TTBK2: variants seen among roughly 807,000 people sequenced by gnomAD.
TTBK2 encodes tau-tubulin kinase 2.
In TTBK2, 28 loss-of-function variants were observed where a neutral mutation model predicts 110.8. The ratio of observed to expected loss-of-function variants is 0.25; its 90% CI spans 0.19 to 0.35. The LOEUF (loss-of-function observed/expected upper bound fraction) is 0.35, where lower values mean the gene tolerates loss of function less well. Ranked by LOEUF, TTBK2 falls within the 10% of genes least tolerant of loss-of-function variation. TTBK2 has a pLI of 1.00. For missense variants in TTBK2, 1,369 were observed against 1,500.3 expected, an observed-to-expected ratio of 0.91 and a Z score of 1.45; for synonymous variants, 532 against 527.3, an observed-to-expected ratio of 1.01 and a Z score of -0.12.
At chr15:42,860,703 G>C (rs1471669700) in intron 3 of TTBK2, among the ~76,000 whole-genome samples, 2 of 118,846 alleles carry the variant, frequency 1.7e-5, no homozygotes, top group Non-Finnish European at 3.2e-5. Flanking sequence ...TTACACTCCT[G>C]TTGCCCAGGC....
intron 13 of TTBK2, among the ~76,000 whole-genome samples, chr15:42,773,485 A>G (rs1024127343): frequency 6.6e-6 from 1 of 152,150 alleles, no homozygotes. Context: ...ATTCAAAGAT[A>G]TCTAAAAATA....
chr15:42,811,326 T>C (rs1891713027), intron 8 of TTBK2, among the ~76,000 whole-genome samples: 1 of 152,210 alleles, frequency 6.6e-6, no homozygotes, highest in Admixed American at 6.5e-5. Context: ...GATCTACTTT[T>C]CTTTATCAAC....
At chr15:42,771,248 C>T (rs1889659727) in intron 13 of TTBK2, among the ~76,000 whole-genome samples, 1 of 152,074 alleles carries the variant, frequency 6.6e-6, no homozygotes, top group Non-Finnish European at 1.5e-5. Context: ...GCTGGGATTA[C>T]AGGCGTGAGC....
chr15:42,887,907 C>T (rs1008822120), intron 1 of TTBK2, among the ~76,000 whole-genome samples: 13 of 149,420 alleles, frequency 8.7e-5, no homozygotes, highest in African/African-American at 2.5e-4. Flanking sequence ...TTACCTACCT[C>T]GGCATAATTC....
intron 14 of TTBK2, among the ~76,000 whole-genome samples, chr15:42,751,558 G>A (rs542918438): frequency 2.2e-4 from 33 of 152,226 alleles, no homozygotes; most frequent in Admixed American, 1.4e-3. Context: ...CCAACATAGC[G>A]AAACCCTGTC....
At chr15:42,854,338 T>C (rs1346173159) in intron 3 of TTBK2, among the ~76,000 whole-genome samples, 3 of 152,216 alleles carry the variant, frequency 2.0e-5, no homozygotes, top group Non-Finnish European at 4.4e-5. Flanking sequence ...TTAAAGATCC[T>C]AAGAAGATTT....
At chr15:42,856,008 T>C (rs574233131) in intron 3 of TTBK2, among the ~76,000 whole-genome samples, 5 of 152,244 alleles carry the variant, frequency 3.3e-5, no homozygotes, top group South Asian at 2.1e-4. Context: ...ATTCTGAAAA[T>C]TGATAAACAA....
chr15:42,831,569 C>A (rs1892761483), intron 4 of TTBK2, among the ~76,000 whole-genome samples: 1 of 152,192 alleles, frequency 6.6e-6, no homozygotes, highest in African/African-American at 2.4e-5. Context: ...GTCTGTTTTA[C>A]AGATAAGGAA....
chr15:42,878,437 T>A (rs754440832), intron 2 of TTBK2, 112 bp downstream of exon 2: 1 of 1,554,302 alleles, frequency 6.4e-7, no homozygotes, highest in Non-Finnish European at 8.7e-7. Context: ...TATGTAATAT[T>A]TCCTAATGAA....
chr15:42,871,218 G>A (rs1894602662), intron 3 of TTBK2, among the ~76,000 whole-genome samples: 1 of 152,148 alleles, frequency 6.6e-6, no homozygotes, highest in African/African-American at 2.4e-5. Context: ...GGGTTCTTAA[G>A]AATGGGATGT....
At chr15:42,790,288 A>G (rs1293489378) in intron 10 of TTBK2, among the ~76,000 whole-genome samples, 2 of 144,438 alleles carry the variant, frequency 1.4e-5, no homozygotes, top group Admixed American at 1.4e-4. Flanking sequence ...TTCTTTGTCT[A>G]TTTTTTTTTT....
Position 42,816,946 on chromosome 15 carries a change from A to G in TTBK2, c.603+86T>C. On this transcript the variant is annotated intron_variant, in intron 7 of 14. Coordinates refer to ENST00000267890, the MANE Select transcript of TTBK2 (RefSeq NM_173500.4). ...CAAATATACATATATATATATATAT[A>G]AAATAATAATAAAATAAAAAAGAAG... 3.0e-6 allele frequency: 2 copies of G among 664,998 alleles called. 1 individual carries two copies. The highest frequency in any genetic ancestry group is 4.0e-6 in the Non-Finnish European group (2 of 498,690). The allele number at this position is 664,998 out of a possible 1,614,324, so 41.2% of individuals were successfully genotyped here.
chr15:42,818,290 T>C (rs1479620664), intron 6 of TTBK2, among the ~76,000 whole-genome samples: 1 of 152,212 alleles, frequency 6.6e-6, no homozygotes, highest in Non-Finnish European at 1.5e-5. Flanking sequence ...CTATAGAATA[T>C]AAACTCTGTG....
chr15:42,915,183 A>G (rs1019943756), intron 1 of TTBK2, among the ~76,000 whole-genome samples: 51 of 152,220 alleles, frequency 3.4e-4, no homozygotes, highest in African/African-American at 1.2e-3. Context: ...TACGTTTTAA[A>G]TTGTATATTG....
intron 4 of TTBK2, among the ~76,000 whole-genome samples, chr15:42,830,528 A>G (rs867917476): frequency 3.3e-5 from 5 of 152,118 alleles, no homozygotes; most frequent in Admixed American, 2.0e-4. Context: ...CTCTCACTCA[A>G]CAGATCTCTT....
At chr15:42,841,073 C>T (rs769057107) in intron 3 of TTBK2, among the ~76,000 whole-genome samples, 12 of 152,112 alleles carry the variant, frequency 7.9e-5, no homozygotes, top group Non-Finnish European at 1.5e-4. Context: ...GAAAACCAGC[C>T]GGAAAACTTT....
In TTBK2 at chr15:42,827,596, G is replaced by A. The variant is rs555681829; in HGVS notation, c.537+332C>T. Among the ~76,000 whole-genome samples the A allele has an allele frequency of 3.0e-3, 451 of 152,278 alleles. 1 individual carries two copies. The highest frequency in any genetic ancestry group is 4.1e-3 in the South Asian group (20 of 4,822). Reference sequence around the variant, plus strand: ...CCAAATAGAGAATATCAGTGAAGTGGATATTTGGGAGTGGATTAAAAAGTA... The same window carrying A: ...CCAAATAGAGAATATCAGTGAAGTGAATATTTGGGAGTGGATTAAAAAGTA... On this transcript the variant is annotated intron_variant, in intron 6 of 14. Coordinates refer to ENST00000267890, the MANE Select transcript of TTBK2 (RefSeq NM_173500.4).
intron 1 of TTBK2, among the ~76,000 whole-genome samples, chr15:42,883,936 T>C (rs989505806): frequency 2.0e-5 from 3 of 152,140 alleles, no homozygotes; most frequent in African/African-American, 7.2e-5. Flanking sequence ...GAAAAAAGTA[T>C]ACCATGCAAA....
chr15:42,887,076 C>G (rs924441324), intron 1 of TTBK2, among the ~76,000 whole-genome samples: 2 of 152,198 alleles, frequency 1.3e-5, no homozygotes, highest in South Asian at 4.1e-4. Flanking sequence ...ACATTACCTT[C>G]TTTTCAAGGG....
Sources: gnomAD v4.1 joint callset for allele counts (sites outside exome capture counted in the v4.1 genomes callset) on GRCh38, gnomAD v4.1.1 for gene constraint, MANE v1.5 for transcripts, NCBI Gene and HGNC (gene_info 2026-07-23, HGNC 2026-07-21) for gene names.